CCDC149: variants seen among roughly 807,000 people sequenced by gnomAD.
The protein encoded by CCDC149 is coiled-coil domain containing 149, also known as coiled-coil domain-containing protein 149.
In CCDC149, 45 loss-of-function variants were observed where a neutral mutation model predicts 59.9. The ratio of observed to expected loss-of-function variants is 0.75; its 90% CI spans 0.59 to 0.96. The LOEUF is 0.96. CCDC149 is among the 40% of genes least tolerant of loss of function. The pLI is 0.00. For missense variants in CCDC149, 584 were observed against 664.7 expected, an observed-to-expected ratio of 0.88 and a Z score of 1.33; for synonymous variants, 245 against 260.6, an observed-to-expected ratio of 0.94 and a Z score of 0.58.
upstream of CCDC149, among the ~76,000 whole-genome samples, chr4:24,915,469 C>T (rs1161269674): frequency 1.3e-5 from 2 of 152,230 alleles, no homozygotes; most frequent in African/African-American, 2.4e-5. Context: ...GGCAGCAGGA[C>T]AGACAATCAA....
At chr4:24,935,705 G>A (rs779770064) in intron 1 of CCDC149, among the ~76,000 whole-genome samples, 8 of 152,146 alleles carry the variant, frequency 5.3e-5, no homozygotes, top group Non-Finnish European at 1.0e-4. Flanking sequence ...CCAGAACTGT[G>A]AGAAATAAAT....
chr4:24,871,340 G>C (rs557373793), intron 3 of CCDC149, among the ~76,000 whole-genome samples: 1 of 152,348 alleles, frequency 6.6e-6, no homozygotes, highest in African/African-American at 2.4e-5. Context: ...TGCTGGTACA[G>C]CATCAATGAG....
intron 7 of CCDC149, 93 bp from the exon 8 acceptor site, chr4:24,835,125 A>G (rs1716422773): frequency 6.4e-6 from 5 of 775,288 alleles, no homozygotes; most frequent in East Asian, 2.6e-5. Context: ...GCCCACAAGA[A>G]CCCCTTGCAA....
At chr4:24,846,814 T>C (rs928480801) in intron 4 of CCDC149, among the ~76,000 whole-genome samples, 1 of 152,222 alleles carries the variant, frequency 6.6e-6, no homozygotes, top group Non-Finnish European at 1.5e-5. Context: ...TGTGTGACAT[T>C]GGTAGGAGCA....
At chr4:24,950,855 A>C (rs1723266226) in intron 1 of CCDC149, among the ~76,000 whole-genome samples, 1 of 152,222 alleles carries the variant, frequency 6.6e-6, no homozygotes, top group Non-Finnish European at 1.5e-5. Flanking sequence ...AACCTCTAAT[A>C]AGCAGGACCT....
chr4:24,959,030 G>C (rs1430485334), intron 1 of CCDC149, among the ~76,000 whole-genome samples: 1 of 152,190 alleles, frequency 6.6e-6, no homozygotes, highest in Non-Finnish European at 1.5e-5. Flanking sequence ...CTGGACTGCA[G>C]TGGCGCGATC....
At chr4:24,845,447 C>T (rs1026125835) in intron 4 of CCDC149, among the ~76,000 whole-genome samples, 1 of 152,210 alleles carries the variant, frequency 6.6e-6, no homozygotes, top group Non-Finnish European at 1.5e-5. Context: ...ACATATTATA[C>T]CGCAGTTCAT....
intron 3 of CCDC149, among the ~76,000 whole-genome samples, 196 bp downstream of exon 3, chr4:24,873,485 C>T (rs1419492645): frequency 2.6e-5 from 4 of 152,198 alleles, no homozygotes; most frequent in African/African-American, 4.8e-5. Context: ...GGTGTACCTC[C>T]CCCAACCAGA....
rs562008971 is a variant in CCDC149 at position 24,906,954 on chromosome 4, C to T, written c.63+5863G>A. ...GGTAGACAAAAACAGCCCACCCCAG[C>T]ACCCCAGCCAATGACTTAGCCTTAG... On this transcript the variant is annotated intron_variant, in intron 1 of 12. Transcript: ENST00000635206. Among the ~76,000 whole-genome samples, 14 of 152,262 alleles carry T rather than the reference C, an allele frequency of 9.2e-5. No homozygotes were observed. In the South Asian group the frequency reaches 2.5e-3, roughly 27 times the overall value.
At chr4:24,907,771 T>C (rs1721620571) in intron 1 of CCDC149, among the ~76,000 whole-genome samples, 1 of 152,200 alleles carries the variant, frequency 6.6e-6, no homozygotes, top group South Asian at 2.1e-4. Flanking sequence ...AGAATTCAAC[T>C]GTTGCACAGT....
At chr4:24,973,589 T>A (rs901393225) in intron 1 of CCDC149, among the ~76,000 whole-genome samples, 1 of 152,008 alleles carries the variant, frequency 6.6e-6, no homozygotes, top group Non-Finnish European at 1.5e-5. Flanking sequence ...TGCTTGAGAG[T>A]GAGGCCAACC....
intron 3 of CCDC149, among the ~76,000 whole-genome samples, chr4:24,868,142 G>A (rs757735730): frequency 1.3e-5 from 2 of 152,064 alleles, no homozygotes; most frequent in South Asian, 4.2e-4. Context: ...TGTGTGCCTC[G>A]ATCCCCTTCC....
chr4:24,837,228 C>A lies in CCDC149; in HGVS notation c.662G>T (p.Arg221Met). 1 of 1,614,154 alleles carries A rather than the reference C, an allele frequency of 6.2e-7. No individual in the cohort carries two copies. Among genetic ancestry groups the A allele is most frequent in the South Asian group, 1.1e-5 (1 of 91,070 alleles). ...CACAGGCCTGGGCCTGGCCACTTGC[C>A]TGTTCTCCATACACAGGGCGTCCAC... Residue 221 changes from arginine (R) to methionine (M), a missense_variant and splice_region_variant, in exon 6 of 13, where the codon AGG (arginine) becomes ATG (methionine). Coordinates refer to ENST00000635206, the MANE Select transcript of CCDC149 (RefSeq NM_001330643.2). The surrounding 1 kb of genome is among the most constrained non-coding windows in gnomAD (Gnocchi z 4.3).
At chr4:24,932,539 G>A (rs28514607) in intron 1 of CCDC149, among the ~76,000 whole-genome samples, 1 of 151,450 alleles carries the variant, frequency 6.6e-6, no homozygotes, top group Non-Finnish European at 1.5e-5. Context: ...ATTGAAGTAA[G>A]GAAGTGTGGC....
intron 11 of CCDC149, 86 bp from the exon 12 acceptor site, chr4:24,820,061 G>T: frequency 1.1e-6 from 1 of 930,682 alleles, no homozygotes; most frequent in Non-Finnish European, 1.6e-6. Flanking sequence ...TCGGCACAGG[G>T]CTGGCTACCC....
chr4:24,955,052 T>G (rs117535709), intron 1 of CCDC149, among the ~76,000 whole-genome samples: 2 of 152,234 alleles, frequency 1.3e-5, no homozygotes, highest in Admixed American at 1.3e-4. Flanking sequence ...AGCAACACCC[T>G]GCTTCTGGTA....
At chr4:24,911,243 G>A (rs1049818361) in intron 1 of CCDC149, among the ~76,000 whole-genome samples, 2 of 152,194 alleles carry the variant, frequency 1.3e-5, no homozygotes, top group Non-Finnish European at 2.9e-5. Context: ...AGCCAACTGA[G>A]GGGCACCCCA....
At position 24,912,812 on chromosome 4, in the gene CCDC149, C is replaced by T. The variant is rs1165967695; in HGVS notation, c.63+5G>A. The T allele has an allele frequency of 3.7e-6, 5 of 1,337,634 alleles. No individual in the cohort carries two copies. The highest frequency in any genetic ancestry group is 2.6e-5 in the Admixed American group (1 of 37,750). The allele number at this position is 1,337,634 out of a possible 1,614,324, so 82.9% of individuals were successfully genotyped here. On this transcript the variant is annotated splice_donor_5th_base_variant and intron_variant, in intron 1 of 12. Coordinates refer to ENST00000635206, the MANE Select transcript of CCDC149 (RefSeq NM_001330643.2). The stretch of plus-strand genomic sequence containing the variant: ...CATCCCGCCTGGCCGGCGCCGCGGC[C>T]TCACCTCGCTCACCAGCCCCTGCCA...
intron 9 of CCDC149, chr4:24,823,046 C>T (rs1218808798): frequency 6.6e-6 from 1 of 152,356 alleles, no homozygotes; most frequent in Non-Finnish European, 1.5e-5. Flanking sequence ...ATACATAATA[C>T]CATCAGCCTT....
Sources: allele counts gnomAD v4.1 joint callset (sites outside exome capture counted in the v4.1 genomes callset), GRCh38; gene constraint gnomAD v4.1.1; non-coding constraint Gnocchi (gnomAD v3.1); transcripts MANE v1.5; gene names NCBI Gene and HGNC (gene_info 2026-07-23, HGNC 2026-07-21).